Variants in ABCA1 observed in about 807,000 individuals in gnomAD.
The protein encoded by ABCA1 is phospholipid-transporting ATPase ABCA1.
Under a neutral mutation model 262.5 loss-of-function variants are expected in ABCA1, and 133 were observed. That is an observed-to-expected ratio of 0.51 (90% CI 0.44 to 0.59). The LOEUF is 0.59. ABCA1 is among the 20% of genes least tolerant of loss of function. The pLI is 0.00. For synonymous variants in ABCA1, 1,022 were observed against 1,043.5 expected (o/e 0.98, Z 0.40); for missense variants, 2,452 against 2,777.5 (o/e 0.88, Z 2.63).
chr9:104,898,211 A>C (rs1840372448), intron 2 of ABCA1, among the ~76,000 whole-genome samples: 1 of 152,144 alleles, frequency 6.6e-6, no homozygotes, highest in South Asian at 2.1e-4. Context: ...GAGTCACCAG[A>C]CAATGTGGCC....
chr9:104,866,480 TG>T lies in ABCA1; in HGVS notation c.422-4681del, dbSNP rs563717098. 7.8e-4 allele frequency among the ~76,000 whole-genome samples: 119 copies of T among 151,768 alleles called. 1 individual carries two copies. The highest frequency in any genetic ancestry group is 2.8e-3 in the African/African-American group (115 of 41,338). On this transcript the variant is annotated intron_variant, in intron 5 of 49. Transcript: ENST00000374736. Reference sequence around the variant, plus strand: ...CTGGGTTAGGTGGCCAGCCCTTTTTTGTGACTTTTTTTTTTTTTAATACAGA... The same window carrying T: ...CTGGGTTAGGTGGCCAGCCCTTTTTTTGACTTTTTTTTTTTTTAATACAGA...
chr9:104,887,722 CTT>C (rs56828334), intron 3 of ABCA1, among the ~76,000 whole-genome samples: 48 of 98,838 alleles, frequency 4.9e-4, no homozygotes, highest in African/African-American at 1.0e-3. Flanking sequence ...TCAGTTTATG[CTT>C]TTTTTTTTTT....
Position 104,794,432 on chromosome 9 carries a change from C to T in ABCA1, c.5461G>A (p.Asp1821Asn), listed in dbSNP as rs958185037. The change falls in exon 40 of 50, where the codon GAC becomes AAC. Residue 1821 changes from aspartate to asparagine, a missense_variant. Physicochemically the swap from Asp to Asn is conservative, Grantham distance 23 (BLOSUM62 1). This residue lies in a region of ABCA1 where 752 missense variants were observed against 944.5 expected (regional missense o/e 0.80). Transcript: ENST00000374736. ...GCCATTGCCTGGTTTTTCACCATGT[C>T]GATGAGCCCTCGTCCCAGGCAAAAA... is the stretch of plus-strand genomic sequence containing the variant. ...PHFCLGRGLI[D>N]MVKNQAMADA... The T allele has an allele frequency of 2.5e-6, 4 of 1,608,654 alleles. No individual in the cohort carries two copies. The highest frequency in any genetic ancestry group is 2.2e-5 in the South Asian group (2 of 90,954).
At chr9:104,824,905 T>C (rs1393758394) in intron 17 of ABCA1, among the ~76,000 whole-genome samples, 1 of 152,172 alleles carries the variant, frequency 6.6e-6, no homozygotes, top group Non-Finnish European at 1.5e-5. Context: ...TGCTGCAAAA[T>C]TGCATATTCA....
At chr9:104,836,022 T>C (rs1054756402) in intron 11 of ABCA1, among the ~76,000 whole-genome samples, 3 of 152,156 alleles carry the variant, frequency 2.0e-5, no homozygotes, top group Admixed American at 6.5e-5. Context: ...CGGGGCTAGA[T>C]CATATAACCC....
intron 25 of ABCA1, 22 bp downstream of exon 25, chr9:104,816,121 G>T: frequency 6.2e-7 from 1 of 1,613,590 alleles, no homozygotes; most frequent in South Asian, 1.1e-5. Context: ...TATATATTCC[G>T]ACAGTCAGCC....
intron 9 of ABCA1, among the ~76,000 whole-genome samples, chr9:104,838,812 AT>A (rs892762571): frequency 0.017 from 2,547 of 146,282 alleles, 43 homozygotes; most frequent in African/African-American, 0.043. Flanking sequence ...AGATAATAGA[AT>A]TTTTTTTTTT....
In ABCA1 at chr9:104,817,065, C is replaced by T. The variant is rs1831840211; in HGVS notation, c.3535+267G>A. Among the ~76,000 whole-genome samples, 1 of 152,188 alleles carries T rather than the reference C, an allele frequency of 6.6e-6. No individual in the cohort carries two copies. Among genetic ancestry groups the T allele is most frequent in the Admixed American group, 6.5e-5 (1 of 15,290 alleles). The stretch of plus-strand genomic sequence containing the variant: ...CCTCATCCCTGGTATTCAGTGTCCA[C>T]TCCCCTAAGGGATTCCCCAAACCCC... On this transcript the variant is annotated intron_variant, in intron 24 of 49. Transcript: ENST00000374736. This position sits in a 1 kb window ranked among gnomAD's most constrained non-coding sequence, Gnocchi z 4.7.
chr9:104,787,815 G>A, intron 46 of ABCA1, 105 bp downstream of exon 46: 1 of 1,610,978 alleles, frequency 6.2e-7, no homozygotes, highest in Admixed American at 1.7e-5. Context: ...GTCCCTGGGG[G>A]AAGACAAGCC....
At chr9:104,903,841 C>T in intron 1 of ABCA1, 70 bp from the exon 2 acceptor site, 1 of 690,658 alleles carries the variant, frequency 1.4e-6, no homozygotes, top group East Asian at 2.7e-5. Flanking sequence ...ATGAGGACTG[C>T]TAATCCAGCC....
intron 5 of ABCA1, among the ~76,000 whole-genome samples, chr9:104,866,287 T>G (rs893033231): frequency 4.6e-5 from 7 of 152,290 alleles, no homozygotes; most frequent in African/African-American, 1.4e-4. Flanking sequence ...TTGTATCTGC[T>G]GGTCTCAGTC....
At chr9:104,797,840 A>T (rs757023838) in intron 37 of ABCA1, among the ~76,000 whole-genome samples, 24 of 152,226 alleles carry the variant, frequency 1.6e-4, no homozygotes, top group Middle Eastern at 3.2e-3. Context: ...TGCTCTGTGT[A>T]GCTTATAATT....
chr9:104,883,520 C>T (rs1203783753), intron 4 of ABCA1, among the ~76,000 whole-genome samples: 4 of 152,186 alleles, frequency 2.6e-5, no homozygotes, highest in Non-Finnish European at 5.9e-5. Context: ...CTCTTAAGGG[C>T]ATATTAGAAT....
At position 104,824,541 on chromosome 9, in the gene ABCA1, G is replaced by C. The variant is rs373656789; in HGVS notation, c.2580C>G (p.Cys860Trp). The change falls in exon 18 of 50, where the codon TGC becomes TGG. Residue 860 changes from cysteine (C) to tryptophan (W), a missense_variant. By Grantham distance (215) the Cys-to-Trp change is radical. Transcript: ENST00000374736. ...YGIPRPWYFPCTKSYWFGEES... is the reference protein window; with the variant it reads ...YGIPRPWYFPWTKSYWFGEES... ...CCTCGCCAAACCAGTAGGACTTGGT[G>C]CAAGGAAAATACCAGGGCCTGGGAA... The C allele has an allele frequency of 7.4e-6, 12 of 1,614,080 alleles. No homozygotes were observed. Among genetic ancestry groups the C allele is most frequent in the African/African-American group, 5.3e-5 (4 of 75,036 alleles).
intron 1 of ABCA1, among the ~76,000 whole-genome samples, chr9:104,905,644 C>A (rs188812798): frequency 6.6e-6 from 1 of 152,212 alleles, no homozygotes; most frequent in Non-Finnish European, 1.5e-5. Flanking sequence ...GCACTGGCAA[C>A]CAGAGCAGCA....
At chr9:104,890,023 CG>C (rs1162135774) in intron 2 of ABCA1, among the ~76,000 whole-genome samples, 1 of 152,152 alleles carries the variant, frequency 6.6e-6, no homozygotes, top group African/African-American at 2.4e-5. Context: ...AATTAGCAGA[CG>C]GACAAGATGG....
Position 104,829,034 on chromosome 9 carries a change from C to T in ABCA1, c.1997G>A (p.Arg666Gln), listed in dbSNP as rs142374413. 1.1e-4 allele frequency: 177 copies of T among 1,614,090 alleles called. No homozygotes were observed. Among genetic ancestry groups the T allele is most frequent in the Non-Finnish European group, 1.5e-4 (172 of 1,180,042 alleles). Reference sequence around the variant, plus strand: ...CATGATCCGCATGGTCTCTTTCAGCCGTGCCTCCTTCTCATACACGATGCC... The same window carrying T: ...CATGATCCGCATGGTCTCTTTCAGCTGTGCCTCCTTCTCATACACGATGCC... ...IKGIVYEKEA[R>Q]LKETMRIMGL... The change falls in exon 15 of 50, where the codon CGG becomes CAG. Residue 666 changes from arginine to glutamine, a missense_variant. Around this residue, in one of 4 missense-constraint regions of ABCA1, gnomAD observed 1,032 missense variants for 1,089.7 expected, o/e 0.95. Transcript: ENST00000374736.
chr9:104,918,272 G>A (rs12003756), intron 1 of ABCA1, among the ~76,000 whole-genome samples: 17,070 of 152,162 alleles, frequency 0.11, 1,180 homozygotes, highest in African/African-American at 0.2. Flanking sequence ...GGTTCTTAAA[G>A]TAGAAGATGA....
chr9:104,903,819 A>G, intron 1 of ABCA1, 48 bp from the exon 2 acceptor site: 1 of 789,098 alleles, frequency 1.3e-6, no homozygotes, highest in Non-Finnish European at 2.1e-6. Context: ...ATTGCTGCAA[A>G]GCCATACACC....
Sources: gnomAD v4.1 joint callset for allele counts (sites outside exome capture counted in the v4.1 genomes callset) on GRCh38, gnomAD v4.1.1 for gene constraint, gnomAD v4.1.1 regional missense constraint, Gnocchi (gnomAD v3.1) non-coding constraint, MANE v1.5 for transcripts, NCBI Gene and HGNC (gene_info 2026-07-23, HGNC 2026-07-21) for gene names.